The following LTBP1 variants were observed in gnomAD, a reference collection of about 807,000 sequenced individuals.
The protein encoded by LTBP1 is latent-transforming growth factor beta-binding protein 1.
A neutral mutation model predicts 207.6 loss-of-function variants in LTBP1; 129 were observed. The observed-to-expected ratio is 0.62, with a 90% CI of 0.54 to 0.72. LTBP1 has a LOEUF of 0.72. LTBP1 is among the 30% of genes least tolerant of loss of function. The probability of loss-of-function intolerance (pLI) is 0.00; values close to 1 mark genes in which losing one functional copy is unlikely to be tolerated. For missense variants in LTBP1, 2,281 were observed against 2,217.2 expected (o/e 1.03, Z -0.58); for synonymous variants, 963 against 833.7 (o/e 1.16, Z -2.67).
chr2:33,047,146 C>G (rs1285707205), intron 3 of LTBP1, among the ~76,000 whole-genome samples: 1 of 152,002 alleles, frequency 6.6e-6, no homozygotes, highest in African/African-American at 2.4e-5. Context: ...TATTTCTTGT[C>G]TTCTGCTAGC....
chr2:33,179,942 G>A (rs1044944129), intron 5 of LTBP1, among the ~76,000 whole-genome samples: 1 of 152,162 alleles, frequency 6.6e-6, no homozygotes, highest in South Asian at 2.1e-4. Flanking sequence ...CTGAAACCCA[G>A]CTTGTCTCCC....
intron 7 of LTBP1, among the ~76,000 whole-genome samples, chr2:33,196,251 C>G (rs1397487009): frequency 2.6e-5 from 4 of 152,030 alleles, no homozygotes; most frequent in African/African-American, 9.7e-5. Context: ...GGTTCATATG[C>G]AGGTGATCAT....
chr2:33,385,169 A>G (rs896685296), intron 31 of LTBP1, among the ~76,000 whole-genome samples: 29 of 152,202 alleles, frequency 1.9e-4, no homozygotes, highest in African/African-American at 6.8e-4. Flanking sequence ...TTACCAAGGC[A>G]GTCAACAGTT....
chr2:33,389,033 T>C (rs1441901241), intron 31 of LTBP1, 151 bp from the exon 32 acceptor site: 3 of 1,076,844 alleles, frequency 2.8e-6, no homozygotes, highest in Non-Finnish European at 2.7e-6. Flanking sequence ...TCAAAAGATA[T>C]TCAGACACTT....
intron 7 of LTBP1, among the ~76,000 whole-genome samples, chr2:33,193,135 T>G (rs558809721): frequency 2.2e-4 from 33 of 152,126 alleles, no homozygotes; most frequent in African/African-American, 9.7e-5. Flanking sequence ...GAAAATATCC[T>G]TATTCTTTTT....
intron 9 of LTBP1, among the ~76,000 whole-genome samples, chr2:33,240,597 G>C (rs2092276967): frequency 6.7e-6 from 1 of 148,196 alleles, no homozygotes; most frequent in Non-Finnish European, 1.5e-5. Context: ...TAAGTTGTTT[G>C]TTGGCTGGGA....
At chr2:33,007,428 T>A (rs1328273158) in intron 2 of LTBP1, among the ~76,000 whole-genome samples, 1 of 152,230 alleles carries the variant, frequency 6.6e-6, no homozygotes, top group African/African-American at 2.4e-5. Flanking sequence ...TTTAAAAGAC[T>A]CTGTCTCATT....
At chr2:33,007,349 T>A (rs1687063091) in intron 2 of LTBP1, among the ~76,000 whole-genome samples, 1 of 152,236 alleles carries the variant, frequency 6.6e-6, no homozygotes, top group Admixed American at 6.5e-5. Flanking sequence ...TCTAGGCTGT[T>A]CCATCCTTAG....
rs778456304 is a variant in LTBP1 at position 33,134,710 on chromosome 2, G to GT, written c.1034-76dup. The GT allele has an allele frequency of 7.5e-6, 12 of 1,604,550 alleles. No individual in the cohort carries two copies. Among genetic ancestry groups the GT allele is most frequent in the South Asian group, 3.4e-5 (3 of 88,924 alleles). ...TTGCTCCTTTCTTTTCTTTTTTTCT[G>GT]TTTTTTTAAACCTTCCAAGGCAAGT... On this transcript the variant is annotated intron_variant, in intron 4 of 33. Coordinates refer to ENST00000404816, the MANE Select transcript of LTBP1 (RefSeq NM_206943.4). This position sits in a 1 kb window ranked among gnomAD's most constrained non-coding sequence, Gnocchi z 4.4.
At chr2:33,293,329 A>T (rs368304918) in intron 20 of LTBP1, 47 bp downstream of exon 20, 1 of 1,563,582 alleles carries the variant, frequency 6.4e-7, no homozygotes, top group Non-Finnish European at 8.6e-7. Context: ...ACTTCATTTA[A>T]ATATAGATTA....
At chr2:33,122,191 C>T (rs958315901) in intron 4 of LTBP1, among the ~76,000 whole-genome samples, 1 of 152,134 alleles carries the variant, frequency 6.6e-6, no homozygotes, top group South Asian at 2.1e-4. Flanking sequence ...AGAGGAATTG[C>T]GTATTTCCTC....
At chr2:33,327,226 A>C (rs2094439278) in intron 24 of LTBP1, among the ~76,000 whole-genome samples, 1 of 152,152 alleles carries the variant, frequency 6.6e-6, no homozygotes, top group Admixed American at 6.5e-5. Context: ...CTTTACAGTA[A>C]ACTATGACCT....
rs2075141802 is a variant in LTBP1, at chr2:33,021,052, G to A, written c.709G>A (p.Gly237Arg). 6.2e-6 allele frequency: 10 copies of A among 1,614,066 alleles called. No homozygotes were observed. The highest frequency in any genetic ancestry group is 8.5e-6 in the Non-Finnish European group (10 of 1,179,998). ...SSPVFGGQSP[G>R]AASSWGPPEQ... ...ACCAGTCTTTGGAGGGCAGAGTCCT[G>A]GGGCTGCTTCCTCGTGGGGCCCTCC... Residue 237 changes from glycine to arginine, a missense_variant, in exon 3 of 34, where the codon GGG becomes AGG. Physicochemically the swap from Gly to Arg is moderately radical, Grantham distance 125. Around this residue, in one of 3 missense-constraint regions of LTBP1, gnomAD observed 555 missense variants for 491.0 expected, o/e 1.13. Coordinates refer to ENST00000404816, the MANE Select transcript of LTBP1 (RefSeq NM_206943.4).
At chr2:33,185,955 G>A (rs1573044202) in intron 5 of LTBP1, among the ~76,000 whole-genome samples, 1 of 152,274 alleles carries the variant, frequency 6.6e-6, no homozygotes, top group African/African-American at 2.4e-5. Context: ...AGGCTGATAG[G>A]AAGAATTCAT....
intron 4 of LTBP1, among the ~76,000 whole-genome samples, chr2:33,130,192 GTC>G (rs1237035332): frequency 6.6e-6 from 1 of 152,174 alleles, no homozygotes; most frequent in Non-Finnish European, 1.5e-5. Context: ...TGTTAGCTCA[GTC>G]TCTCTCACAC....
At chr2:33,354,526 A>G (rs948344049) in intron 26 of LTBP1, among the ~76,000 whole-genome samples, 3 of 152,172 alleles carry the variant, frequency 2.0e-5, no homozygotes, top group African/African-American at 4.8e-5. Flanking sequence ...AGCGATGACA[A>G]TGAGAAGGTA....
chr2:33,360,620 C>G lies in LTBP1; in HGVS notation c.4024C>G (p.Pro1342Ala), dbSNP rs1425555973. The G allele has an allele frequency of 2.5e-6, 4 of 1,613,428 alleles. No homozygotes were observed. The Admixed American group carries it at 5.0e-5, about 20-fold the overall frequency. The change falls in exon 27 of 34, where the codon CCC (proline) becomes GCC (alanine). Residue 1342 changes from proline to alanine, a missense_variant. By Grantham distance (27) the Pro-to-Ala change is conservative. Coordinates refer to ENST00000404816, the MANE Select transcript of LTBP1 (RefSeq NM_206943.4). ...AGATTTAGATGTAGATGTAGATCAACCCAAAGAAGAAAAGAAAGAATGCTA... is the reference window on the plus strand; with the variant it reads ...AGATTTAGATGTAGATGTAGATCAAGCCAAAGAAGAAAAGAAAGAATGCTA... Reference protein sequence around the residue: ...STDLDVDVDQPKEEKKECYYN... With the variant: ...STDLDVDVDQAKEEKKECYYN...
chr2:33,051,431 A>AC (rs2076736136), intron 3 of LTBP1, among the ~76,000 whole-genome samples: 3 of 152,078 alleles, frequency 2.0e-5, no homozygotes, highest in Non-Finnish European at 4.4e-5. Flanking sequence ...ATAAGAAAAA[A>AC]AACACACACA....
At chr2:33,275,700 T>C in intron 17 of LTBP1, 101 bp from the exon 18 acceptor site, 1 of 1,396,834 alleles carries the variant, frequency 7.2e-7, no homozygotes, top group Non-Finnish European at 1.0e-6. Context: ...AAAAAAGAAA[T>C]CAGTTACTTC....
Sources: allele counts gnomAD v4.1 joint callset (sites outside exome capture counted in the v4.1 genomes callset), GRCh38; gene constraint gnomAD v4.1.1; regional missense constraint gnomAD v4.1.1; non-coding constraint Gnocchi (gnomAD v3.1); transcripts MANE v1.5; gene names NCBI Gene and HGNC (gene_info 2026-07-23, HGNC 2026-07-21).